KCNMB2: variants seen among roughly 807,000 people sequenced by gnomAD.
KCNMB2 encodes the protein calcium-activated potassium channel subunit beta-2.
In KCNMB2, 9 loss-of-function variants were observed where a neutral mutation model predicts 24.5. That is an observed-to-expected ratio of 0.37 (90% CI 0.22 to 0.64). The LOEUF is 0.64. KCNMB2 is among the 30% of genes least tolerant of loss of function. The probability of loss-of-function intolerance (pLI) is 0.63; values close to 1 mark genes in which losing one functional copy is unlikely to be tolerated. For missense variants in KCNMB2, 226 were observed against 284.3 expected, an observed-to-expected ratio of 0.79 and a Z score of 1.47; for synonymous variants, 109 against 104.4, an observed-to-expected ratio of 1.04 and a Z score of -0.27.
In KCNMB2 at chr3:178,806,453, T is replaced by C. The variant is rs374834933; in HGVS notation, c.-67-890T>C. Among the ~76,000 whole-genome samples, 51 of 152,332 alleles carry C rather than the reference T, an allele frequency of 3.3e-4. 1 individual carries two copies. In the South Asian group the frequency reaches 0.01, roughly 31 times the overall value. The stretch of plus-strand genomic sequence containing the variant: ...CATCTCATGCTTATCATTAATATTG[T>C]GCTTAACCAAACTGAAAGCCACTAA... On this transcript the variant is annotated intron_variant, in intron 1 of 4. Transcript: ENST00000452583.
chr3:178,562,291 G>T (rs1275476721), intron 1 of KCNMB2, among the ~76,000 whole-genome samples: 3 of 152,188 alleles, frequency 2.0e-5, no homozygotes, highest in Non-Finnish European at 4.4e-5. Flanking sequence ...GTAAGTGGAG[G>T]GTCTGTTGTT....
intron 1 of KCNMB2, among the ~76,000 whole-genome samples, chr3:178,678,463 T>C (rs114410341): frequency 3.5e-4 from 53 of 152,288 alleles, no homozygotes; most frequent in African/African-American, 1.3e-3. Flanking sequence ...AAGAGGAAGA[T>C]AGAAGACAGG....
intron 1 of KCNMB2, among the ~76,000 whole-genome samples, chr3:178,695,441 G>C (rs759325409): frequency 6.6e-6 from 1 of 152,128 alleles, no homozygotes; most frequent in East Asian, 1.9e-4. Flanking sequence ...CCACGAAGTG[G>C]GTTTTCTTTT....
chr3:178,751,465 A>C (rs1723843774), intron 1 of KCNMB2, among the ~76,000 whole-genome samples: 1 of 149,350 alleles, frequency 6.7e-6, no homozygotes, highest in African/African-American at 2.5e-5. Flanking sequence ...CTGTAATCCC[A>C]GCTACTTAGG....
At chr3:178,731,422 C>A (rs1233060015) in intron 1 of KCNMB2, among the ~76,000 whole-genome samples, 2 of 152,174 alleles carry the variant, frequency 1.3e-5, no homozygotes, top group African/African-American at 2.4e-5. Flanking sequence ...CATATCTGGT[C>A]TCTACCTATC....
At chr3:178,567,485 C>A (rs969924107) in intron 1 of KCNMB2, among the ~76,000 whole-genome samples, 16 of 151,812 alleles carry the variant, frequency 1.1e-4, no homozygotes, top group Admixed American at 2.6e-4. Context: ...CACAGAGAAC[C>A]TGAAATCACT....
chr3:178,629,615 G>A (rs751212311), intron 1 of KCNMB2, among the ~76,000 whole-genome samples: 22 of 152,204 alleles, frequency 1.4e-4, no homozygotes, highest in Admixed American at 4.6e-4. Context: ...ATTTTGTTAT[G>A]TAATAGTTAC....
intron 1 of KCNMB2, among the ~76,000 whole-genome samples, chr3:178,653,217 T>A (rs1350607335): frequency 6.6e-6 from 1 of 152,158 alleles, no homozygotes; most frequent in Non-Finnish European, 1.5e-5. Context: ...ATGTAGATAG[T>A]TTATATTCAT....
At chr3:178,749,073 G>A (rs1345899328) in intron 1 of KCNMB2, 1 of 152,180 alleles carries the variant, frequency 6.6e-6, no homozygotes, top group African/African-American at 2.4e-5. Flanking sequence ...GCGTGGTTTA[G>A]TGGTTTCAAC....
chr3:178,543,515 A>G (rs1391100474), intron 1 of KCNMB2, among the ~76,000 whole-genome samples: 1 of 152,202 alleles, frequency 6.6e-6, no homozygotes, highest in Admixed American at 6.5e-5. Flanking sequence ...ATTTAGCATT[A>G]ATTTTTGAAT....
At chr3:178,727,659 CA>C (rs1723008382) in intron 1 of KCNMB2, among the ~76,000 whole-genome samples, 1 of 151,646 alleles carries the variant, frequency 6.6e-6, no homozygotes, top group Admixed American at 6.6e-5. Context: ...AGTCATGAGC[CA>C]AAAAAAGTGG....
At chr3:178,733,351 A>T (rs1723213394) in intron 1 of KCNMB2, among the ~76,000 whole-genome samples, 1 of 152,240 alleles carries the variant, frequency 6.6e-6, no homozygotes, top group East Asian at 1.9e-4. Flanking sequence ...AGAGGTCACG[A>T]GAAGTCAAAC....
chr3:178,636,251 A>G (rs530436488), intron 1 of KCNMB2, among the ~76,000 whole-genome samples: 6 of 152,286 alleles, frequency 3.9e-5, no homozygotes, highest in African/African-American at 1.4e-4. Flanking sequence ...ACTTGGGTGG[A>G]AGAATGGGAG....
intron 1 of KCNMB2, among the ~76,000 whole-genome samples, chr3:178,795,837 A>G (rs536482653): frequency 6.6e-6 from 1 of 152,318 alleles, no homozygotes; most frequent in Admixed American, 6.5e-5. Flanking sequence ...AAAATAGATT[A>G]TGTGTGTGAC....
chr3:178,561,915 C>A (rs1716329728), intron 1 of KCNMB2, among the ~76,000 whole-genome samples: 1 of 152,158 alleles, frequency 6.6e-6, no homozygotes. Context: ...GCAATCTGAG[C>A]CATTTTCTAG....
chr3:178,839,662 G>T (rs970202642), intron 4 of KCNMB2, among the ~76,000 whole-genome samples: 2 of 152,104 alleles, frequency 1.3e-5, no homozygotes, highest in Non-Finnish European at 2.9e-5. Context: ...TTTCATACTG[G>T]CAGGAGAGAC....
chr3:178,591,634 GGTGTGTTTT>G (rs1203740426), intron 1 of KCNMB2, among the ~76,000 whole-genome samples: 2 of 152,132 alleles, frequency 1.3e-5, no homozygotes, highest in Non-Finnish European at 2.9e-5. Context: ...CATTGCTGAT[GGTGTGTTTT>G]TATAATCTGG....
At chr3:178,550,279 T>C (rs1230121461) in intron 1 of KCNMB2, among the ~76,000 whole-genome samples, 1 of 149,000 alleles carries the variant, frequency 6.7e-6, no homozygotes, top group Non-Finnish European at 1.5e-5. Context: ...TGAAACCCCA[T>C]TTCTACTAAA....
In KCNMB2 at chr3:178,740,417, GC is replaced by G. The variant is rs761515748; in HGVS notation, c.-67-66921del. Among the ~76,000 whole-genome samples, 3 of 152,036 alleles carry G rather than the reference GC, an allele frequency of 2.0e-5. No homozygotes were observed. In the East Asian group the frequency reaches 5.8e-4, roughly 29 times the overall value. ...TTACAGGCATTAGCCACCACGCCTG[GC>G]CCCCGTAAACATTTTTTATTATAGA... On this transcript the variant is annotated intron_variant, in intron 1 of 4. Coordinates refer to ENST00000452583, the MANE Select transcript of KCNMB2 (RefSeq NM_181361.3).
Sources: allele counts gnomAD v4.1 joint callset (sites outside exome capture counted in the v4.1 genomes callset), GRCh38; gene constraint gnomAD v4.1.1; transcripts MANE v1.5; gene names NCBI Gene and HGNC (gene_info 2026-07-23, HGNC 2026-07-21).